Variants in CPAMD8 observed in about 807,000 individuals in gnomAD.
CPAMD8 encodes the protein C3 and PZP like alpha-2-macroglobulin domain containing 8.
In CPAMD8, 146 loss-of-function variants were observed where a neutral mutation model predicts 224.7. The ratio of observed to expected loss-of-function variants is 0.65; its 90% CI spans 0.57 to 0.75. The LOEUF is 0.75. CPAMD8 is among the 30% of genes least tolerant of loss of function. The probability of loss-of-function intolerance (pLI) is 0.00; values close to 1 mark genes in which losing one functional copy is unlikely to be tolerated. For synonymous variants in CPAMD8, 966 were observed against 1,044.6 expected (o/e 0.92, Z 1.45); for missense variants, 2,301 against 2,537.5 (o/e 0.91, Z 2.00).
intron 23 of CPAMD8, among the ~76,000 whole-genome samples, chr19:16,931,726 G>A (rs573717693): frequency 1.3e-5 from 2 of 152,316 alleles, no homozygotes; most frequent in East Asian, 1.9e-4. Flanking sequence ...ACTGGGACCT[G>A]AGGACAGGTC....
chr19:16,904,703 G>T, intron 30 of CPAMD8, 151 bp from the exon 31 acceptor site: 1 of 650,958 alleles, frequency 1.5e-6, no homozygotes, highest in Non-Finnish European at 2.8e-6. Flanking sequence ...GAACAGGAAG[G>T]GCCTTGGGGC....
chr19:16,947,422 T>G (rs941423987), intron 20 of CPAMD8, among the ~76,000 whole-genome samples, 195 bp from the exon 21 acceptor site: 2 of 152,180 alleles, frequency 1.3e-5, no homozygotes, highest in African/African-American at 4.8e-5. Context: ...GTGCCCCACT[T>G]GGCCTTCTCA....
chr19:17,012,627 T>A (rs940558907), intron 3 of CPAMD8, among the ~76,000 whole-genome samples: 1 of 152,206 alleles, frequency 6.6e-6, no homozygotes, highest in Non-Finnish European at 1.5e-5. Context: ...CGTGAGCCAC[T>A]GTGCCAAGCC....
intron 10 of CPAMD8, among the ~76,000 whole-genome samples, chr19:16,998,590 G>A (rs2056209130): frequency 6.6e-6 from 1 of 152,206 alleles, no homozygotes; most frequent in Admixed American, 6.5e-5. Flanking sequence ...GTGGGGAGGA[G>A]CCGGTGCTGA....
chr19:16,966,617 A>G (rs1332229634), intron 18 of CPAMD8, among the ~76,000 whole-genome samples: 1 of 152,222 alleles, frequency 6.6e-6, no homozygotes, highest in Non-Finnish European at 1.5e-5. Context: ...AATATCCAAA[A>G]TCTACAAAGA....
At chr19:17,022,314 C>G in intron 1 of CPAMD8, 133 bp from the exon 2 acceptor site, 5 of 974,026 alleles carry the variant, frequency 5.1e-6, no homozygotes, top group Middle Eastern at 6.2e-4. Flanking sequence ...CATTGATGCT[C>G]TAGGAGTCTG....
Position 16,902,768 on chromosome 19 carries a change from G to C in CPAMD8, c.4566C>G (p.Pro1522=), listed in dbSNP as rs1319314299. The C allele has an allele frequency of 6.3e-7, 1 of 1,592,770 alleles. No homozygotes were observed. Among genetic ancestry groups the C allele is most frequent in the Non-Finnish European group, 8.6e-7 (1 of 1,166,094 alleles). Residue 1522 remains proline (P), a synonymous_variant, in exon 35 of 42, where the codon CCC becomes CCG. Transcript: ENST00000443236. ...CCTCAGCTGCGGAGGCAGGCATGGG[G>C]GGCGGGCGTCCCTGGGCCTCAGGCT... ...LQEPEAQGRP[P]PMPASAAEGS...
Position 16,899,881 on chromosome 19 carries a change from TC to T in CPAMD8, c.4774-333del. 6.8e-6 allele frequency among the ~76,000 whole-genome samples: 1 copy of T among 147,606 alleles called. No individual in the cohort carries two copies. The highest frequency in any genetic ancestry group is 6.8e-5 in the Admixed American group (1 of 14,716). ...GGTGTCTCAGCTGCACTGTTCAAGTTCCCCTCCCAGCCTGGGATTTTTTTTT... is the reference window on the plus strand; with the variant it reads ...GGTGTCTCAGCTGCACTGTTCAAGTTCCCTCCCAGCCTGGGATTTTTTTTT... On this transcript the variant is annotated intron_variant, in intron 36 of 41. Transcript: ENST00000443236. The surrounding 1 kb of genome is among the most constrained non-coding windows in gnomAD (Gnocchi z 5.4).
At chr19:16,978,911 A>G (rs1006308444) in intron 14 of CPAMD8, among the ~76,000 whole-genome samples, 1 of 149,534 alleles carries the variant, frequency 6.7e-6, no homozygotes, top group Non-Finnish European at 1.5e-5. Context: ...CCCTCTATTC[A>G]TCATCCATCA....
At chr19:17,002,811 C>A (rs2056371184) in intron 8 of CPAMD8, among the ~76,000 whole-genome samples, 1 of 152,130 alleles carries the variant, frequency 6.6e-6, no homozygotes. Context: ...GGAGGTGACA[C>A]CCTGGAGCAG....
At position 17,011,578 on chromosome 19, in the gene CPAMD8, T is replaced by C. The variant is rs764243899; in HGVS notation, c.433+14A>G. The C allele has an allele frequency of 5.0e-6, 8 of 1,614,182 alleles. No homozygotes were observed. The highest frequency in any genetic ancestry group is 6.8e-6 in the Non-Finnish European group (8 of 1,180,024). On this transcript the variant is annotated intron_variant, in intron 4 of 41. Coordinates refer to ENST00000443236, the MANE Select transcript of CPAMD8 (RefSeq NM_015692.5). ...CCATGGCCGGCCCTCCCTGCATCCA[T>C]GCTGGCCACTCACCTCGGTGCTGGG...
In CPAMD8 at chr19:17,013,800, G is replaced by A. The variant is rs143227331; in HGVS notation, c.268-2043C>T. On this transcript the variant is annotated intron_variant, in intron 3 of 41. Transcript: ENST00000443236. ...TTTAGAATGGTTAGATGGCTTTTTTGTTGGTTTGGTTTGTGTTTTTGCCAC... is the reference window on the plus strand; with the variant it reads ...TTTAGAATGGTTAGATGGCTTTTTTATTGGTTTGGTTTGTGTTTTTGCCAC... Among the ~76,000 whole-genome samples the A allele has an allele frequency of 5.6e-4, 85 of 151,006 alleles. No individual in the cohort carries two copies. In the East Asian group the frequency reaches 0.014, roughly 24 times the overall value.
At chr19:16,947,753 A>G (rs1599760628) in intron 20 of CPAMD8, among the ~76,000 whole-genome samples, 1 of 152,082 alleles carries the variant, frequency 6.6e-6, no homozygotes, top group East Asian at 1.9e-4. Context: ...GGATGCAAGC[A>G]CAGACTGCAT....
chr19:16,905,965 G>A (rs2052459505), intron 30 of CPAMD8, among the ~76,000 whole-genome samples: 1 of 152,016 alleles, frequency 6.6e-6, no homozygotes, highest in Non-Finnish European at 1.5e-5. Flanking sequence ...GGAGGGAAGG[G>A]TGGAAGCGAG....
At chr19:17,011,570 T>C (rs2056651107) in intron 4 of CPAMD8, 22 bp downstream of exon 4, 23 of 1,614,060 alleles carry the variant, frequency 1.4e-5, no homozygotes, top group East Asian at 2.2e-5. Context: ...CGGCCCTCCC[T>C]GCATCCATGC....
At chr19:16,964,357 T>C (rs993935700) in intron 18 of CPAMD8, among the ~76,000 whole-genome samples, 1 of 152,032 alleles carries the variant, frequency 6.6e-6, no homozygotes, top group African/African-American at 2.4e-5. Flanking sequence ...ATAAAGGGGA[T>C]ATCACCACCG....
rs535508445 is a variant in CPAMD8 at position 16,973,070 on chromosome 19, G to A, written c.2070+2027C>T. Among the ~76,000 whole-genome samples the A allele has an allele frequency of 2.0e-5, 3 of 152,204 alleles. No homozygotes were observed. In the South Asian group the frequency reaches 6.2e-4, roughly 32 times the overall value. On this transcript the variant is annotated intron_variant, in intron 17 of 41. Coordinates refer to ENST00000443236, the MANE Select transcript of CPAMD8 (RefSeq NM_015692.5). The stretch of plus-strand genomic sequence containing the variant: ...TGTGGTCCCAGCTACTCAGGAGGCT[G>A]AGGCAGGAGGATCGCTTGAGCCCAG...
chr19:16,906,680 C>T (rs1332259587), intron 30 of CPAMD8, among the ~76,000 whole-genome samples: 1 of 151,920 alleles, frequency 6.6e-6, no homozygotes, highest in Non-Finnish European at 1.5e-5. Context: ...CGTGAGCCAC[C>T]GCGCCTGGTC....
chr19:16,915,810 C>A (rs4808537), intron 27 of CPAMD8, among the ~76,000 whole-genome samples: 74,828 of 151,644 alleles, frequency 0.49, 19,985 homozygotes, highest in Non-Finnish European at 0.6. Flanking sequence ...TTAGCCTGCC[C>A]GCCTGCCCGC....
Sources: allele counts gnomAD v4.1 joint callset (sites outside exome capture counted in the v4.1 genomes callset), GRCh38; gene constraint gnomAD v4.1.1; non-coding constraint Gnocchi (gnomAD v3.1); transcripts MANE v1.5; gene names NCBI Gene and HGNC (gene_info 2026-07-23, HGNC 2026-07-21).